EPHB2: variants seen among roughly 807,000 people sequenced by gnomAD.
EPHB2 encodes ephrin type-B receptor 2.
Under a neutral mutation model 96.4 loss-of-function variants are expected in EPHB2, and 18 were observed. The observed-to-expected ratio is 0.19, with a 90% CI of 0.13 to 0.28. The LOEUF is 0.28. EPHB2 is among the 10% of genes least tolerant of loss of function. The pLI is 1.00. For synonymous variants in EPHB2, 506 were observed against 534.1 expected (o/e 0.95, Z 0.72); for missense variants, 989 against 1,355.4 (o/e 0.73, Z 4.25).
intron 1 of EPHB2, among the ~76,000 whole-genome samples, chr1:22,748,139 T>C (rs906265663): frequency 2.0e-5 from 3 of 152,194 alleles, no homozygotes; most frequent in African/African-American, 7.2e-5. Context: ...AGTAATCTTA[T>C]CAATTTCACT....
intron 5 of EPHB2, among the ~76,000 whole-genome samples, chr1:22,881,887 C>T (rs1639058477): frequency 6.6e-6 from 1 of 152,140 alleles, no homozygotes; most frequent in Non-Finnish European, 1.5e-5. Context: ...GCCGCTGCAC[C>T]CAGCCATGTA....
intron 3 of EPHB2, among the ~76,000 whole-genome samples, chr1:22,811,574 C>T (rs551735618): frequency 6.6e-6 from 1 of 152,322 alleles, no homozygotes; most frequent in South Asian, 2.1e-4. Context: ...CTCTGCCTTC[C>T]CATCCCACTC....
intron 5 of EPHB2, among the ~76,000 whole-genome samples, chr1:22,874,995 T>C (rs1468272873): frequency 2.0e-5 from 3 of 152,102 alleles, no homozygotes; most frequent in Non-Finnish European, 1.5e-5. Context: ...ACATGTGCAG[T>C]GTGAGTCTCC....
intron 3 of EPHB2, among the ~76,000 whole-genome samples, chr1:22,823,981 C>T (rs575741252): frequency 6.6e-6 from 1 of 152,220 alleles, no homozygotes; most frequent in South Asian, 2.1e-4. Flanking sequence ...GGTAGGTTCA[C>T]TGGCTGGACA....
At chr1:22,735,235 C>T (rs182123752) in intron 1 of EPHB2, among the ~76,000 whole-genome samples, 9 of 152,032 alleles carry the variant, frequency 5.9e-5, no homozygotes, top group African/African-American at 1.9e-4. Context: ...GCCAGGAGTT[C>T]GAGACCAGCT....
At position 22,913,906 on chromosome 1, in the gene EPHB2, C is replaced by A. The variant is rs987060974; in HGVS notation, c.*336C>A. The A allele has an allele frequency of 2.0e-6, 3 of 1,533,766 alleles. No individual in the cohort carries two copies. Among genetic ancestry groups the A allele is most frequent in the South Asian group, 2.6e-5 (2 of 77,212 alleles). ...GGGAGATTCATGCGATGTGTCCAAT[C>A]GGAGACAAAAGCAGTTTCTCTCCAA... On this transcript the variant is annotated 3_prime_UTR_variant, in exon 16 of 16. Transcript: ENST00000374630. The surrounding 1 kb of genome is among the most constrained non-coding windows in gnomAD (Gnocchi z 4.1).
chr1:22,711,612 A>C (rs1020082822), intron 1 of EPHB2, among the ~76,000 whole-genome samples: 1 of 151,676 alleles, frequency 6.6e-6, no homozygotes, highest in Admixed American at 6.6e-5. Context: ...GTGCCTGCCC[A>C]TCGCCCGCGG....
chr1:22,855,091 G>T (rs1645679312), intron 3 of EPHB2, among the ~76,000 whole-genome samples: 1 of 152,234 alleles, frequency 6.6e-6, no homozygotes, highest in South Asian at 2.1e-4. Flanking sequence ...CCCTAGAGGG[G>T]GTGCCAGGCA....
At chr1:22,909,203 C>G in intron 13 of EPHB2, 32 bp downstream of exon 13, 1 of 1,614,072 alleles carries the variant, frequency 6.2e-7, no homozygotes, top group Non-Finnish European at 8.5e-7. Flanking sequence ...CAAGGCCTCT[C>G]TGGCCCACCA....
intron 5 of EPHB2, among the ~76,000 whole-genome samples, chr1:22,879,282 G>C (rs116079599): frequency 6.6e-6 from 1 of 152,224 alleles, no homozygotes; most frequent in South Asian, 2.1e-4. Context: ...GGAGGCATGG[G>C]GATTGGGGTG....
rs1553178548 is a variant in EPHB2 at position 22,913,816 on chromosome 1, A to G, written c.*246A>G. 9 of 1,610,696 alleles carry G rather than the reference A, an allele frequency of 5.6e-6. No homozygotes were observed. The highest frequency in any genetic ancestry group is 7.6e-6 in the Non-Finnish European group (9 of 1,178,632). On this transcript the variant is annotated 3_prime_UTR_variant, in exon 16 of 16. Coordinates refer to ENST00000374630, the MANE Select transcript of EPHB2 (RefSeq NM_017449.5). This position sits in a 1 kb window ranked among gnomAD's most constrained non-coding sequence, Gnocchi z 4.1. ...GGAGGGGGCGGGAAATACAAGGAAT[A>G]TTTTTTAAAGAGGATTCTCATAAGG...
At chr1:22,795,844 C>T (rs1053466010) in intron 3 of EPHB2, among the ~76,000 whole-genome samples, 10 of 152,040 alleles carry the variant, frequency 6.6e-5, no homozygotes, top group African/African-American at 2.4e-4. Flanking sequence ...CTAAGATGTC[C>T]AATCAGACAG....
intron 1 of EPHB2, among the ~76,000 whole-genome samples, chr1:22,748,839 A>C (rs1644016317): frequency 6.7e-6 from 1 of 149,192 alleles, no homozygotes; most frequent in South Asian, 2.2e-4. Flanking sequence ...AGGTTGGTGC[A>C]AAAGTAATTG....
In EPHB2 at chr1:22,914,258, G is replaced by A. The variant is rs988639604; in HGVS notation, c.*688G>A. 11 of 182,156 alleles carry A rather than the reference G, an allele frequency of 6.0e-5. No homozygotes were observed. The highest frequency in any genetic ancestry group is 3.9e-4 in the Admixed American group (7 of 18,106). The allele number at this position is 182,156 out of a possible 1,614,324, so 11.3% of individuals were successfully genotyped here. ...TTTGTCCTCCTGGGTCAGGGAGAAC[G>A]CGGGGACCCCAGAAAGGTCAGCCTT... On this transcript the variant is annotated 3_prime_UTR_variant, in exon 16 of 16. Coordinates refer to ENST00000374630, the MANE Select transcript of EPHB2 (RefSeq NM_017449.5).
intron 1 of EPHB2, among the ~76,000 whole-genome samples, chr1:22,757,936 T>G (rs1644177470): frequency 3.6e-5 from 2 of 55,604 alleles, no homozygotes; most frequent in Non-Finnish European, 8.1e-5. Context: ...TTTTTTTTTT[T>G]GAGACGGAGT....
chr1:22,853,602 G>A (rs1220786965), intron 3 of EPHB2, among the ~76,000 whole-genome samples: 1 of 152,252 alleles, frequency 6.6e-6, no homozygotes, highest in Admixed American at 6.5e-5. Flanking sequence ...TTTGAAGAAG[G>A]ACAAGAAGGA....
At chr1:22,856,191 G>A (rs16827672) in intron 3 of EPHB2, among the ~76,000 whole-genome samples, 45,174 of 152,086 alleles carry the variant, frequency 0.3, 7,218 homozygotes, top group East Asian at 0.45. Context: ...AGCCATTGAG[G>A]TTTTGAGGAT....
At chr1:22,870,763 G>T (rs902211076) in intron 5 of EPHB2, among the ~76,000 whole-genome samples, 1 of 152,232 alleles carries the variant, frequency 6.6e-6, no homozygotes, top group Admixed American at 6.5e-5. Flanking sequence ...GCTTCCGGAA[G>T]TAGTGGGAAG....
At chr1:22,899,591 A>G (rs1440633442) in intron 9 of EPHB2, among the ~76,000 whole-genome samples, 1 of 152,264 alleles carries the variant, frequency 6.6e-6, no homozygotes, top group African/African-American at 2.4e-5. Context: ...CTATTAACCA[A>G]TACAGAAATA....
Sources: allele counts gnomAD v4.1 joint callset (sites outside exome capture counted in the v4.1 genomes callset), GRCh38; gene constraint gnomAD v4.1.1; non-coding constraint Gnocchi (gnomAD v3.1); transcripts MANE v1.5; gene names NCBI Gene and HGNC (gene_info 2026-07-23, HGNC 2026-07-21).